Variants in COL24A1 observed in about 807,000 individuals in gnomAD.
The protein encoded by COL24A1 is collagen type XXIV alpha 1 chain.
COL24A1 carries 224 observed loss-of-function variants against 253.9 expected under a neutral mutation model. The ratio of observed to expected loss-of-function variants is 0.88; its 90% CI spans 0.79 to 0.99. The LOEUF (loss-of-function observed/expected upper bound fraction) is 0.99, where lower values mean the gene tolerates loss of function less well. COL24A1 is among the 50% of genes least tolerant of loss of function. The probability of loss-of-function intolerance (pLI) is 0.00; values close to 1 mark genes in which losing one functional copy is unlikely to be tolerated. For synonymous variants in COL24A1, 685 were observed against 673.7 expected, an observed-to-expected ratio of 1.02 and a Z score of -0.26; for missense variants, 2,131 against 2,068.5, an observed-to-expected ratio of 1.03 and a Z score of -0.59.
intron 8 of COL24A1, among the ~76,000 whole-genome samples, chr1:86,062,416 CAAAT>C (rs960766608): frequency 4.6e-5 from 7 of 150,882 alleles, no homozygotes; most frequent in Non-Finnish European, 1.0e-4. Context: ...TTTCTGGAAA[CAAAT>C]AGAATAGAAA....
At chr1:85,816,269 T>C (rs943076011) in intron 47 of COL24A1, among the ~76,000 whole-genome samples, 1 of 152,182 alleles carries the variant, frequency 6.6e-6, no homozygotes, top group Non-Finnish European at 1.5e-5. Context: ...GTAGTTAATA[T>C]ATAGCATGAA....
chr1:85,874,733 T>TAA (rs1179223668), intron 34 of COL24A1, 31 bp from the exon 35 acceptor site: 1 of 1,609,318 alleles, frequency 6.2e-7, no homozygotes, highest in Admixed American at 1.7e-5. Flanking sequence ...ATTAAACTCT[T>TAA]TTCTACTAAG....
chr1:85,875,261 T>C lies in COL24A1; in HGVS notation c.3084+16A>G, dbSNP rs1198990025. The stretch of plus-strand genomic sequence containing the variant: ...GTGAAAGTTTAGAGATTCTCCTTTA[T>C]TTTTTAGAAGGTTACCTTTGCACCT... On this transcript the variant is annotated intron_variant, in intron 34 of 59. Transcript: ENST00000370571. 6 of 1,610,878 alleles carry C rather than the reference T, an allele frequency of 3.7e-6. No individual in the cohort carries two copies. In the South Asian group the frequency reaches 5.5e-5, roughly 15 times the overall value.
intron 19 of COL24A1, among the ~76,000 whole-genome samples, chr1:85,994,296 T>C (rs1011293861): frequency 3.3e-5 from 5 of 151,984 alleles, no homozygotes; most frequent in African/African-American, 1.2e-4. Context: ...TATAGTATTA[T>C]TGAATATATA....
chr1:85,826,910 C>G lies in COL24A1; in HGVS notation c.3682-3172G>C, dbSNP rs1409378545. On this transcript the variant is annotated intron_variant, in intron 43 of 59. Transcript: ENST00000370571. ...ACTTCCTCTTTTCCTAACTGAATAC[C>G]CTTTATTTCCTTATCCTGCCTAATT... 3.3e-5 allele frequency among the ~76,000 whole-genome samples: 5 copies of G among 152,100 alleles called. No homozygotes were observed. The East Asian group carries it at 5.8e-4, about 18-fold the overall frequency.
rs564257938 is a variant in COL24A1 at position 85,907,337 on chromosome 1, C to T, written c.2725-90G>A. ...AATCTTTCTTATAACATATATCCTT[C>T]TCCCAGGACATTTTTACAATTGATT... On this transcript the variant is annotated intron_variant, in intron 27 of 59. Coordinates refer to ENST00000370571, the MANE Select transcript of COL24A1 (RefSeq NM_152890.7). 10 of 1,064,030 alleles carry T rather than the reference C, an allele frequency of 9.4e-6. No individual in the cohort carries two copies. The African/African-American group carries it at 1.6e-4, about 17-fold the overall frequency. The allele number at this position is 1,064,030 out of a possible 1,614,324, so 65.9% of individuals were successfully genotyped here.
chr1:86,149,497 T>G (rs904242752), intron 1 of COL24A1, among the ~76,000 whole-genome samples: 1 of 152,216 alleles, frequency 6.6e-6, no homozygotes, highest in African/African-American at 2.4e-5. Flanking sequence ...TTACAGTCAA[T>G]GAAGGATAGT....
In COL24A1 at chr1:86,063,743, G is replaced by A; in HGVS notation, c.1724C>T (p.Pro575Leu). The change falls in exon 8 of 60, where the codon CCT (proline) becomes CTT (leucine). Residue 575 changes from proline to leucine, a missense_variant. Transcript: ENST00000370571. ...TTCACCTGGAAGTCCTGGGAGTCCA[G>A]GATGTCCTTTGAGACCCTGTAAAAG... ...MQGDKGLKGH[P>L]GLPGLPGEQG... 2 of 1,553,328 alleles carry A rather than the reference G, an allele frequency of 1.3e-6. No homozygotes were observed. The highest frequency in any genetic ancestry group is 1.7e-6 in the Non-Finnish European group (2 of 1,149,214).
intron 24 of COL24A1, among the ~76,000 whole-genome samples, chr1:85,927,210 G>T (rs1687377678): frequency 6.6e-6 from 1 of 151,400 alleles, no homozygotes; most frequent in Non-Finnish European, 1.5e-5. Context: ...GTGGGCGGAG[G>T]CCAGTGTGTG....
intron 10 of COL24A1, among the ~76,000 whole-genome samples, chr1:86,051,616 T>C (rs1700310123): frequency 6.6e-6 from 1 of 152,046 alleles, no homozygotes; most frequent in South Asian, 2.1e-4. Context: ...GAGTCTTTTT[T>C]GTTATGATGG....
intron 47 of COL24A1, among the ~76,000 whole-genome samples, chr1:85,806,508 G>A (rs1363924355): frequency 1.3e-5 from 2 of 152,202 alleles, no homozygotes; most frequent in South Asian, 2.1e-4. Context: ...GCAGCCATAT[G>A]TAAATAAATT....
chr1:86,008,623 T>C (rs1308536000), intron 19 of COL24A1, among the ~76,000 whole-genome samples: 4 of 152,174 alleles, frequency 2.6e-5, no homozygotes, highest in African/African-American at 9.7e-5. Context: ...TCTTTAACAT[T>C]GTACTAGGGG....
intron 43 of COL24A1, among the ~76,000 whole-genome samples, chr1:85,834,911 T>C (rs1313490885): frequency 6.6e-6 from 1 of 152,184 alleles, no homozygotes; most frequent in Non-Finnish European, 1.5e-5. Context: ...TTTTATGAAA[T>C]AACATGAAAT....
At chr1:85,831,940 A>C (rs893141029) in intron 43 of COL24A1, among the ~76,000 whole-genome samples, 1 of 152,052 alleles carries the variant, frequency 6.6e-6, no homozygotes, top group African/African-American at 2.4e-5. Context: ...ATTAGATCCC[A>C]TTTGTCAATT....
At chr1:86,009,329 A>G (rs1236070580) in intron 19 of COL24A1, among the ~76,000 whole-genome samples, 2 of 152,176 alleles carry the variant, frequency 1.3e-5, no homozygotes, top group Non-Finnish European at 2.9e-5. Context: ...TAGTACAATC[A>G]TGTGTCACTT....
intron 7 of COL24A1, among the ~76,000 whole-genome samples, chr1:86,076,218 G>T (rs1702232653): frequency 6.6e-6 from 1 of 152,126 alleles, no homozygotes; most frequent in African/African-American, 2.4e-5. Context: ...AAATCACTGT[G>T]CAAAAATCAC....
At chr1:86,001,407 CTTT>C (rs1695391565) in intron 19 of COL24A1, among the ~76,000 whole-genome samples, 1 of 152,128 alleles carries the variant, frequency 6.6e-6, no homozygotes, top group Non-Finnish European at 1.5e-5. Context: ...CCTGTCCTGC[CTTT>C]TTAGTTGAGT....
intron 53 of COL24A1, among the ~76,000 whole-genome samples, chr1:85,775,249 T>A (rs1380724590): frequency 1.3e-5 from 2 of 152,178 alleles, no homozygotes; most frequent in African/African-American, 4.8e-5. Context: ...TTTGTTGTGA[T>A]TTCTGTTCTT....
intron 47 of COL24A1, among the ~76,000 whole-genome samples, chr1:85,797,194 C>T (rs186982209): frequency 1.8e-4 from 22 of 122,546 alleles, no homozygotes; most frequent in African/African-American, 6.4e-4. Flanking sequence ...GGCGACAGAG[C>T]GAGACTCCGT....
Sources: allele counts gnomAD v4.1 joint callset (sites outside exome capture counted in the v4.1 genomes callset), GRCh38; gene constraint gnomAD v4.1.1; transcripts MANE v1.5; gene names NCBI Gene and HGNC (gene_info 2026-07-23, HGNC 2026-07-21).